The following MALRD1 variants were observed in gnomAD, a reference collection of about 807,000 sequenced individuals.
MALRD1 encodes MAM and LDL receptor class A domain containing 1, also known as MAM and LDL-receptor class A domain-containing protein 1.
A neutral mutation model predicts 242.1 loss-of-function variants in MALRD1; 247 were observed. The observed-to-expected ratio is 1.02, with a 90% CI of 0.92 to 1.13. The LOEUF (loss-of-function observed/expected upper bound fraction) is 1.13, where lower values mean the gene tolerates loss of function less well. MALRD1 is among the 50% of genes most tolerant of loss of function. The pLI is 0.00. For missense variants in MALRD1, 2,989 were observed against 2,533.1 expected (o/e 1.18, Z -3.86); for synonymous variants, 995 against 866.6 (o/e 1.15, Z -2.60).
At chr10:19,688,296 G>T (rs1842679969) in intron 36 of MALRD1, among the ~76,000 whole-genome samples, 1 of 151,940 alleles carries the variant, frequency 6.6e-6, no homozygotes, top group Non-Finnish European at 1.5e-5. Context: ...CTGAGACAGG[G>T]TCTTGCTCTG....
rs541580455 is a variant in MALRD1 at position 19,397,779 on chromosome 10, A to G, written c.4845+8170A>G. On this transcript the variant is annotated intron_variant, in intron 28 of 39. Coordinates refer to ENST00000454679, the MANE Select transcript of MALRD1 (RefSeq NM_001142308.3). Reference sequence around the variant, plus strand: ...TTTGCTTTTGTTGTCTGTGAATTTGAGGTCTTATCCTAGTTCCACAACGTT... The same window carrying G: ...TTTGCTTTTGTTGTCTGTGAATTTGGGGTCTTATCCTAGTTCCACAACGTT... 4.5e-4 allele frequency among the ~76,000 whole-genome samples: 69 copies of G among 152,204 alleles called. 1 individual carries two copies. The highest frequency in any genetic ancestry group is 3.7e-3 in the Admixed American group (57 of 15,296).
chr10:19,677,443 T>C (rs971457354), intron 36 of MALRD1, among the ~76,000 whole-genome samples: 4 of 152,240 alleles, frequency 2.6e-5, no homozygotes, highest in African/African-American at 9.6e-5. Flanking sequence ...AGTATATGTT[T>C]GTTGGCTGCA....
intron 22 of MALRD1, among the ~76,000 whole-genome samples, chr10:19,324,322 T>C (rs1306738000): frequency 6.6e-6 from 1 of 152,206 alleles, no homozygotes; most frequent in African/African-American, 2.4e-5. Context: ...ATGTTGTCTC[T>C]ATGCTGAGGT....
At chr10:19,095,138 T>G (rs536872908) in intron 4 of MALRD1, among the ~76,000 whole-genome samples, 38 of 152,204 alleles carry the variant, frequency 2.5e-4, no homozygotes, top group Non-Finnish European at 4.3e-4. Flanking sequence ...TGCTTAAATA[T>G]AGAGATTAAA....
chr10:19,641,538 T>C (rs1247247612), intron 36 of MALRD1, among the ~76,000 whole-genome samples: 1 of 152,116 alleles, frequency 6.6e-6, no homozygotes, highest in Non-Finnish European at 1.5e-5. Context: ...TGGTCATCAT[T>C]TAGAACCCTT....
intron 2 of MALRD1, among the ~76,000 whole-genome samples, chr10:19,071,550 A>G (rs1835148731): frequency 6.6e-6 from 1 of 151,968 alleles, no homozygotes; most frequent in African/African-American, 2.4e-5. Flanking sequence ...CTTTATCTCA[A>G]AGTCCTCTTG....
intron 18 of MALRD1, among the ~76,000 whole-genome samples, chr10:19,217,671 C>T (rs1393366131): frequency 1.3e-5 from 2 of 151,798 alleles, no homozygotes; most frequent in Admixed American, 1.3e-4. Flanking sequence ...TAACTACAGG[C>T]GTGCACCATC....
At chr10:19,614,708 A>G (rs1334534740) in intron 35 of MALRD1, among the ~76,000 whole-genome samples, 1 of 152,000 alleles carries the variant, frequency 6.6e-6, no homozygotes, top group Admixed American at 6.6e-5. Flanking sequence ...CTATAAGTAA[A>G]CCACCTTTGA....
chr10:19,330,522 T>C (rs1399030162), intron 23 of MALRD1, among the ~76,000 whole-genome samples: 1 of 152,182 alleles, frequency 6.6e-6, no homozygotes, highest in African/African-American at 2.4e-5. Context: ...CAATATTTCT[T>C]ATGTTAACAT....
At chr10:19,120,638 A>G (rs1278586414) in intron 5 of MALRD1, among the ~76,000 whole-genome samples, 1 of 152,138 alleles carries the variant, frequency 6.6e-6, no homozygotes, top group Non-Finnish European at 1.5e-5. Context: ...GAGAAGAGAG[A>G]ATGGTGAAGT....
chr10:19,142,171 CAAAA>C (rs529000033), intron 10 of MALRD1, among the ~76,000 whole-genome samples: 604 of 26,170 alleles, frequency 0.023, 2 homozygotes, highest in African/African-American at 0.1. Flanking sequence ...GACTCTAACT[CAAAA>C]AAAAAAAAAA....
At chr10:19,510,363 G>C (rs895060586) in intron 31 of MALRD1, among the ~76,000 whole-genome samples, 2 of 152,168 alleles carry the variant, frequency 1.3e-5, no homozygotes, top group Admixed American at 6.5e-5. Context: ...CGGGCTGGGG[G>C]ATGGTCAGGT....
intron 36 of MALRD1, among the ~76,000 whole-genome samples, chr10:19,690,232 C>G (rs1842760213): frequency 6.6e-6 from 1 of 152,072 alleles, no homozygotes. Context: ...TTTGAAACTG[C>G]TTTTGACCCT....
chr10:19,608,283 C>A (rs1230714493), intron 35 of MALRD1, among the ~76,000 whole-genome samples: 2 of 151,958 alleles, frequency 1.3e-5, no homozygotes, highest in African/African-American at 4.8e-5. Flanking sequence ...TTCCTTTGTC[C>A]ACTTCTTTAT....
intron 22 of MALRD1, among the ~76,000 whole-genome samples, chr10:19,325,570 A>T (rs1041451583): frequency 6.6e-6 from 1 of 152,070 alleles, no homozygotes; most frequent in Non-Finnish European, 1.5e-5. Context: ...CACCTCAGTT[A>T]TATTGAAGAA....
intron 31 of MALRD1, among the ~76,000 whole-genome samples, chr10:19,524,318 A>C (rs1038054441): frequency 6.6e-6 from 1 of 152,142 alleles, no homozygotes; most frequent in Non-Finnish European, 1.5e-5. Flanking sequence ...TCTACTAAAA[A>C]TACAAAAAAT....
intron 28 of MALRD1, among the ~76,000 whole-genome samples, chr10:19,403,791 G>T (rs2130861606): frequency 6.6e-6 from 1 of 152,198 alleles, no homozygotes; most frequent in Non-Finnish European, 1.5e-5. Flanking sequence ...AAAGAATGGT[G>T]AGAATATTCT....
chr10:19,686,010 C>G (rs1842567338), intron 36 of MALRD1, among the ~76,000 whole-genome samples: 1 of 152,086 alleles, frequency 6.6e-6, no homozygotes, highest in South Asian at 2.1e-4. Flanking sequence ...CATGCAGCAC[C>G]TAAGTATGTT....
At chr10:19,715,922 G>A (rs1048480131) in intron 38 of MALRD1, among the ~76,000 whole-genome samples, 4 of 152,106 alleles carry the variant, frequency 2.6e-5, no homozygotes, top group Admixed American at 2.6e-4. Flanking sequence ...CCTTCATGGG[G>A]GATCTGCCCC....
Sources: gnomAD v4.1 joint callset for allele counts (sites outside exome capture counted in the v4.1 genomes callset) on GRCh38, gnomAD v4.1.1 for gene constraint, MANE v1.5 for transcripts, NCBI Gene and HGNC (gene_info 2026-07-23, HGNC 2026-07-21) for gene names.